KAZN: variants seen among roughly 807,000 people sequenced by gnomAD.
KAZN encodes the protein kazrin, periplakin interacting protein, also known as kazrin.
KAZN carries 40 observed loss-of-function variants against 87.4 expected under a neutral mutation model. The ratio of observed to expected loss-of-function variants is 0.46; its 90% CI spans 0.36 to 0.60. The LOEUF is 0.60. Ranked by LOEUF, KAZN falls within the 20% of genes least tolerant of loss-of-function variation. KAZN has a pLI of 0.00. For synonymous variants in KAZN, 466 were observed against 458.3 expected, an observed-to-expected ratio of 1.02 and a Z score of -0.22; for missense variants, 898 against 1,073.9, an observed-to-expected ratio of 0.84 and a Z score of 2.29.
intron 2 of KAZN, among the ~76,000 whole-genome samples, chr1:14,389,278 A>C (rs1662217231): frequency 6.6e-6 from 1 of 152,222 alleles, no homozygotes; most frequent in African/African-American, 2.4e-5. Flanking sequence ...ACAATCACAA[A>C]GGAAAAGAGT....
intron 1 of KAZN, among the ~76,000 whole-genome samples, chr1:14,633,069 A>G (rs757899102): frequency 6.6e-6 from 1 of 152,072 alleles, no homozygotes; most frequent in Non-Finnish European, 1.5e-5. Context: ...GGCACCTGCC[A>G]TCGTGCCTGG....
At chr1:15,020,220 G>A (rs980015568) in intron 2 of KAZN, among the ~76,000 whole-genome samples, 11 of 152,178 alleles carry the variant, frequency 7.2e-5, no homozygotes, top group African/African-American at 1.7e-4. Flanking sequence ...TCACTGTTCC[G>A]AGGGCATTGC....
chr1:14,403,458 C>T (rs1446260828), intron 2 of KAZN, among the ~76,000 whole-genome samples: 1 of 152,050 alleles, frequency 6.6e-6, no homozygotes, highest in South Asian at 2.1e-4. Flanking sequence ...ATTTTATAAG[C>T]CTTTTGTGAA....
chr1:14,912,529 C>T (rs1000469230), intron 1 of KAZN, among the ~76,000 whole-genome samples: 7 of 152,130 alleles, frequency 4.6e-5, no homozygotes, highest in Admixed American at 6.6e-5. Flanking sequence ...TACAGGTGCA[C>T]GCCACCATGC....
intron 2 of KAZN, among the ~76,000 whole-genome samples, chr1:14,193,295 T>A (rs1319414552): frequency 1.3e-5 from 2 of 152,122 alleles, no homozygotes; most frequent in Non-Finnish European, 2.9e-5. Flanking sequence ...ACTAATACAC[T>A]GGTGTCTTTA....
intron 2 of KAZN, among the ~76,000 whole-genome samples, chr1:14,538,985 G>A (rs537653550): frequency 1.3e-4 from 20 of 152,256 alleles, no homozygotes; most frequent in Non-Finnish European, 2.5e-4. Context: ...GAGGTCCTCG[G>A]CACAGTTATT....
intron 1 of KAZN, among the ~76,000 whole-genome samples, chr1:13,939,421 C>A (rs981669073): frequency 6.6e-6 from 1 of 152,202 alleles, no homozygotes; most frequent in African/African-American, 2.4e-5. Flanking sequence ...GACCTTTGCT[C>A]AAGTTCCCAA....
intron 1 of KAZN, among the ~76,000 whole-genome samples, chr1:14,789,087 G>A (rs1645595945): frequency 6.6e-6 from 1 of 152,198 alleles, no homozygotes; most frequent in Admixed American, 6.5e-5. Flanking sequence ...TGCGGATGAG[G>A]GTCTTACATG....
intron 2 of KAZN, among the ~76,000 whole-genome samples, chr1:14,272,726 C>T (rs1371814465): frequency 6.6e-6 from 1 of 152,070 alleles, no homozygotes; most frequent in African/African-American, 2.4e-5. Flanking sequence ...GGCATGGTGG[C>T]GGGTGCCTGT....
At chr1:14,380,530 A>C (rs1379161618) in intron 2 of KAZN, among the ~76,000 whole-genome samples, 2 of 152,206 alleles carry the variant, frequency 1.3e-5, no homozygotes, top group Admixed American at 1.3e-4. Flanking sequence ...AATAATTGAA[A>C]AGAACCAAGC....
chr1:14,999,353 A>G (rs1226799072), intron 2 of KAZN, among the ~76,000 whole-genome samples: 1 of 152,230 alleles, frequency 6.6e-6, no homozygotes, highest in African/African-American at 2.4e-5. Flanking sequence ...TGGCCATGCT[A>G]ATGCTTCCTT....
rs150776496 is a variant in KAZN, at chr1:14,821,801, T to C, written c.227-138883T>C. ...CCAGTCAACCCTGGAAAGCTGGTAC[T>C]ACTGTCACCAGCTGAATCTCCCTGT... On this transcript the variant is annotated intron_variant, in intron 1 of 14. Coordinates refer to ENST00000376030, the MANE Select transcript of KAZN (RefSeq NM_201628.3). Among the ~76,000 whole-genome samples the C allele has an allele frequency of 1.0e-3, 156 of 152,296 alleles. 1 individual carries two copies. The highest frequency in any genetic ancestry group is 3.5e-3 in the African/African-American group (147 of 41,568).
intron 2 of KAZN, among the ~76,000 whole-genome samples, chr1:14,474,857 C>T (rs1264764320): frequency 6.6e-6 from 1 of 151,936 alleles, no homozygotes; most frequent in East Asian, 1.9e-4. Flanking sequence ...GAGGCATCAC[C>T]AACAAAAATT....
intron 1 of KAZN, among the ~76,000 whole-genome samples, chr1:14,874,711 G>T (rs1434808494): frequency 6.6e-6 from 1 of 152,168 alleles, no homozygotes; most frequent in African/African-American, 2.4e-5. Context: ...AGAAATCCTG[G>T]TGTGACCTGT....
chr1:14,205,941 C>A (rs1174722853), intron 2 of KAZN, among the ~76,000 whole-genome samples: 1 of 123,936 alleles, frequency 8.1e-6, no homozygotes, highest in Admixed American at 9.5e-5. Context: ...TTAATGGGTG[C>A]AACACACCAA....
intron 2 of KAZN, among the ~76,000 whole-genome samples, chr1:14,440,068 CTGT>C (rs1415097263): frequency 1.3e-5 from 2 of 152,236 alleles, no homozygotes; most frequent in African/African-American, 4.8e-5. Context: ...TTCGTTAGGT[CTGT>C]TGTTCTATTA....
intron 1 of KAZN, among the ~76,000 whole-genome samples, chr1:14,166,373 T>C (rs1294139864): frequency 6.6e-6 from 1 of 152,018 alleles, no homozygotes; most frequent in East Asian, 1.9e-4. Flanking sequence ...GTAAGGGCCT[T>C]AGTTGGGCAA....
At chr1:14,621,952 A>G (rs557613921) in intron 1 of KAZN, among the ~76,000 whole-genome samples, 1 of 152,336 alleles carries the variant, frequency 6.6e-6, no homozygotes, top group African/African-American at 2.4e-5. Flanking sequence ...GAAACCTTAC[A>G]AAGCCTGTAC....
At chr1:14,956,642 C>T (rs1165326204) in intron 1 of KAZN, among the ~76,000 whole-genome samples, 11 of 152,046 alleles carry the variant, frequency 7.2e-5, no homozygotes. Flanking sequence ...ACAAACCTGC[C>T]TCTTCTACCT....
Sources: allele counts gnomAD v4.1 joint callset (sites outside exome capture counted in the v4.1 genomes callset), GRCh38; gene constraint gnomAD v4.1.1; transcripts MANE v1.5; gene names NCBI Gene and HGNC (gene_info 2026-07-23, HGNC 2026-07-21).